DGCR2: variants seen among roughly 807,000 people sequenced by gnomAD.
DGCR2 encodes DiGeorge syndrome critical region gene 2, also known as integral membrane protein DGCR2/IDD.
A neutral mutation model predicts 51.6 loss-of-function variants in DGCR2; 24 were observed. The ratio of observed to expected loss-of-function variants is 0.47; its 90% CI spans 0.34 to 0.65. The LOEUF is 0.65. Ranked by LOEUF, DGCR2 falls within the 30% of genes least tolerant of loss-of-function variation. DGCR2 has a pLI of 0.01. For synonymous variants in DGCR2, 340 were observed against 315.4 expected, an observed-to-expected ratio of 1.08 and a Z score of -0.82; for missense variants, 765 against 772.1, an observed-to-expected ratio of 0.99 and a Z score of 0.11.
intron 7 of DGCR2, chr22:19,046,016 C>A (rs929478373): frequency 6.6e-6 from 1 of 152,180 alleles, no homozygotes; most frequent in Non-Finnish European, 1.5e-5. Flanking sequence ...GTGCGAGACA[C>A]CATGCCTCGC....
chr22:19,055,377 C>CATTT (rs1310501084), intron 6 of DGCR2, among the ~76,000 whole-genome samples: 1 of 152,122 alleles, frequency 6.6e-6, no homozygotes, highest in Non-Finnish European at 1.5e-5. Context: ...CATACAGGTA[C>CATTT]ATTCTAAAAT....
At position 19,122,182 on chromosome 22, in the gene DGCR2, C is replaced by A; in HGVS notation, c.25G>T (p.Ala9Ser). Reference sequence around the variant, plus strand: ...ACGAGCAGGAAGAGCAGCAGGAAGGCGCCGCTGTCTGCCTTGGGCACCATT... The same window carrying A: ...ACGAGCAGGAAGAGCAGCAGGAAGGAGCCGCTGTCTGCCTTGGGCACCATT... MVPKADSGAFLLLFLLVLT... is the reference protein window; with the variant it reads MVPKADSGSFLLLFLLVLT... The change falls in exon 1 of 10, where the codon GCC (alanine) becomes TCC (serine). Residue 9 changes from alanine to serine, a missense_variant. By Grantham distance (99) the Ala-to-Ser change is moderately conservative. Transcript: ENST00000263196. The A allele has an allele frequency of 6.6e-7, 1 of 1,511,230 alleles. No individual in the cohort carries two copies. The allele number at this position is 1,511,230 out of a possible 1,614,324, so 93.6% of individuals were successfully genotyped here. A position where few individuals can be genotyped will look rare whatever the true frequency, so the allele number is the denominator to read the frequency against.
chr22:19,036,299 G>C lies in DGCR2; in HGVS notation c.*2566C>G, dbSNP rs535163947. 1 of 152,516 alleles carries C rather than the reference G, an allele frequency of 6.6e-6. No individual in the cohort carries two copies. The highest frequency in any genetic ancestry group is 2.4e-5 in the African/African-American group (1 of 41,444). The allele number at this position is 152,516 out of a possible 1,614,324, so 9.4% of individuals were successfully genotyped here. ...TAACCATGCCTCTTCCGGAACACAA[G>C]TTTATTTGGCATTTGGATGAAATGA... is the stretch of plus-strand genomic sequence containing the variant. On this transcript the variant is annotated 3_prime_UTR_variant, in exon 10 of 10. Coordinates refer to ENST00000263196, the MANE Select transcript of DGCR2 (RefSeq NM_005137.3).
chr22:19,080,128 A>AAGAGCAGGGCAGAAG (rs2082919944), intron 2 of DGCR2, among the ~76,000 whole-genome samples: 1 of 152,216 alleles, frequency 6.6e-6, no homozygotes, highest in Non-Finnish European at 1.5e-5. Flanking sequence ...CTGGCTGCTG[A>AAGAGCAGGGCAGAAG]CATCTGGAGA....
Position 19,062,269 on chromosome 22 carries a change from G to A in DGCR2, c.625+933C>T, listed in dbSNP as rs551048163. ...TGGCATCTGTCCTGAGCAGGATCGGGACAGCAGGTGTGGCCCCAGTCTGCT... is the reference window on the plus strand; with the variant it reads ...TGGCATCTGTCCTGAGCAGGATCGGAACAGCAGGTGTGGCCCCAGTCTGCT... On this transcript the variant is annotated intron_variant, in intron 5 of 9. Transcript: ENST00000263196. Among the ~76,000 whole-genome samples, 7 of 152,278 alleles carry A rather than the reference G, an allele frequency of 4.6e-5. 1 individual carries two copies. The South Asian group carries it at 1.5e-3, about 32-fold the overall frequency.
chr22:19,120,743 G>A (rs1043488797), intron 1 of DGCR2, among the ~76,000 whole-genome samples: 3 of 152,048 alleles, frequency 2.0e-5, no homozygotes, highest in Admixed American at 1.3e-4. Flanking sequence ...CTCTCTACAC[G>A]TACATATATG....
chr22:19,071,841 A>C (rs377271028), intron 2 of DGCR2, among the ~76,000 whole-genome samples: 1 of 152,156 alleles, frequency 6.6e-6, no homozygotes, highest in South Asian at 2.1e-4. Flanking sequence ...TGATCATAGT[A>C]TTTAGGGGTA....
intron 9 of DGCR2, among the ~76,000 whole-genome samples, chr22:19,039,733 AAG>A (rs1457625465): frequency 6.6e-6 from 1 of 151,570 alleles, no homozygotes; most frequent in Non-Finnish European, 1.5e-5. Context: ...TTTTTCTTTT[AAG>A]AGACAGGATC....
At chr22:19,080,367 T>G (rs1011730395) in intron 2 of DGCR2, among the ~76,000 whole-genome samples, 1 of 152,228 alleles carries the variant, frequency 6.6e-6, no homozygotes, top group African/African-American at 2.4e-5. Context: ...CCCAATATAT[T>G]CAAAATACTA....
chr22:19,097,521 C>T (rs539996761), intron 1 of DGCR2, among the ~76,000 whole-genome samples: 48 of 152,178 alleles, frequency 3.2e-4, no homozygotes, highest in African/African-American at 1.1e-3. Flanking sequence ...CACTGCACTC[C>T]AGCCTGGGCG....
At chr22:19,093,620 AT>A (rs142966943) in intron 1 of DGCR2, among the ~76,000 whole-genome samples, 1,981 of 152,318 alleles carry the variant, frequency 0.013, 35 homozygotes, top group South Asian at 0.058. Context: ...ACATTTGCAA[AT>A]CATGTATCTG....
At chr22:19,061,232 G>A (rs1278106088) in intron 5 of DGCR2, 3 of 170,246 alleles carry the variant, frequency 1.8e-5, no homozygotes, top group African/African-American at 7.2e-5. Flanking sequence ...GGCTGGGCTG[G>A]GCTAGACGTG....
intron 4 of DGCR2, among the ~76,000 whole-genome samples, chr22:19,063,797 A>C (rs1446039792): frequency 6.6e-6 from 1 of 152,162 alleles, no homozygotes; most frequent in Non-Finnish European, 1.5e-5. Flanking sequence ...TTCACAATTT[A>C]AGCAAGAACA....
At position 19,039,150 on chromosome 22, in the gene DGCR2, G is replaced by A. The variant is rs374564594; in HGVS notation, c.1397-29C>T. 11 of 1,610,688 alleles carry A rather than the reference G, an allele frequency of 6.8e-6. No homozygotes were observed. The African/African-American group carries it at 1.2e-4, about 18-fold the overall frequency. On this transcript the variant is annotated intron_variant, in intron 9 of 9. Transcript: ENST00000263196. ...CAGGAAGAGACAGAGGGGTGTCAGA[G>A]GCAGGTACGGGCCTGGCACAGGGGA...
chr22:19,039,748 A>C (rs538792290), intron 9 of DGCR2, among the ~76,000 whole-genome samples: 8 of 152,120 alleles, frequency 5.3e-5, no homozygotes, highest in Non-Finnish European at 8.8e-5. Context: ...ACAGGATCTT[A>C]AAAGATTGCA....
At chr22:19,093,813 A>G (rs1422332096) in intron 1 of DGCR2, among the ~76,000 whole-genome samples, 2 of 152,140 alleles carry the variant, frequency 1.3e-5, no homozygotes, top group East Asian at 3.9e-4. Flanking sequence ...CCTGTGCAAC[A>G]TAACAAGACC....
intron 1 of DGCR2, among the ~76,000 whole-genome samples, chr22:19,091,080 T>C (rs940347793): frequency 7.7e-4 from 32 of 41,472 alleles, no homozygotes; most frequent in Non-Finnish European, 1.1e-3. Context: ...GGCAGGTACA[T>C]GGCTCATTCC....
At chr22:19,040,980 C>T (rs2082424038) in intron 9 of DGCR2, 78 bp downstream of exon 9, 1 of 1,314,048 alleles carries the variant, frequency 7.6e-7, no homozygotes, top group East Asian at 2.3e-5. Flanking sequence ...GCCTCTGCAG[C>T]TGGGCAAGAG....
At chr22:19,102,513 T>C (rs2083213417) in intron 1 of DGCR2, among the ~76,000 whole-genome samples, 1 of 151,984 alleles carries the variant, frequency 6.6e-6, no homozygotes. Context: ...CCATCCTGGC[T>C]AACACGGTGA....
Sources: allele counts gnomAD v4.1 joint callset (sites outside exome capture counted in the v4.1 genomes callset), GRCh38; gene constraint gnomAD v4.1.1; transcripts MANE v1.5; gene names NCBI Gene and HGNC (gene_info 2026-07-23, HGNC 2026-07-21).